DGKG: variants seen among roughly 807,000 people sequenced by gnomAD.
DGKG encodes DAG kinase gamma.
In DGKG, 78 loss-of-function variants were observed where a neutral mutation model predicts 105.3. The observed-to-expected ratio is 0.74, with a 90% CI of 0.62 to 0.89. DGKG has a LOEUF of 0.89. Among genes scored for constraint, DGKG ranks in the 40% least tolerant of loss-of-function variants. The probability of loss-of-function intolerance (pLI) is 0.00; values close to 1 mark genes in which losing one functional copy is unlikely to be tolerated. For synonymous variants in DGKG, 346 were observed against 367.1 expected, an observed-to-expected ratio of 0.94 and a Z score of 0.66; for missense variants, 958 against 1,020.1, an observed-to-expected ratio of 0.94 and a Z score of 0.83.
rs1715581935 is a variant in DGKG, at chr3:186,148,036, T to C, written c.*2054A>G. ...CCATTTGTACACACAATCTTAATAT[T>C]CCCTTCTTTGTCCAAAGCTCCTGTC... On this transcript the variant is annotated 3_prime_UTR_variant, in exon 25 of 25. Transcript: ENST00000265022. The C allele has an allele frequency of 2.0e-6, 2 of 985,316 alleles. No individual in the cohort carries two copies. The highest frequency in any genetic ancestry group is 2.4e-6 in the Non-Finnish European group (2 of 829,956). The allele number at this position is 985,316 out of a possible 1,614,324, so 61.0% of individuals were successfully genotyped here. A position where few individuals can be genotyped will look rare whatever the true frequency, so the allele number is the denominator to read the frequency against.
At chr3:186,193,723 C>G (rs941138242) in intron 21 of DGKG, among the ~76,000 whole-genome samples, 7 of 152,186 alleles carry the variant, frequency 4.6e-5, no homozygotes, top group East Asian at 1.9e-4. Flanking sequence ...CCCCGGGGCC[C>G]GCTCCCCGGC....
intron 22 of DGKG, among the ~76,000 whole-genome samples, chr3:186,166,632 T>C (rs1394717794): frequency 6.8e-6 from 1 of 146,432 alleles, no homozygotes; most frequent in East Asian, 1.9e-4. Context: ...TATAAATGTG[T>C]GTGTGTGTGT....
intron 1 of DGKG, among the ~76,000 whole-genome samples, chr3:186,337,108 T>C (rs1725866271): frequency 6.6e-6 from 1 of 152,036 alleles, no homozygotes; most frequent in Non-Finnish European, 1.5e-5. Flanking sequence ...CATAGAAAAA[T>C]ATGTTAAGTT....
intron 5 of DGKG, among the ~76,000 whole-genome samples, chr3:186,289,578 C>A (rs1298442753): frequency 6.6e-6 from 1 of 152,140 alleles, no homozygotes; most frequent in Admixed American, 6.5e-5. Flanking sequence ...AAACTGGGCA[C>A]CCCTGTTTTC....
intron 21 of DGKG, among the ~76,000 whole-genome samples, chr3:186,193,696 C>T (rs1718023512): frequency 6.6e-6 from 1 of 152,224 alleles, no homozygotes; most frequent in African/African-American, 2.4e-5. Context: ...ACGCTGTCGG[C>T]CTAAATGGAA....
At chr3:186,272,928 C>T (rs1722388042) in intron 10 of DGKG, among the ~76,000 whole-genome samples, 1 of 152,086 alleles carries the variant, frequency 6.6e-6, no homozygotes, top group African/African-American at 2.4e-5. Flanking sequence ...GGGGTTTCAC[C>T]ATGTTAGCCA....
chr3:186,216,303 C>G (rs964174594), intron 20 of DGKG, among the ~76,000 whole-genome samples: 1 of 152,060 alleles, frequency 6.6e-6, no homozygotes, highest in East Asian at 1.9e-4. Context: ...CGAGCTTATA[C>G]ACTTTTAATA....
At chr3:186,268,991 G>A in intron 11 of DGKG, 74 bp from the exon 12 acceptor site, 2 of 1,040,898 alleles carry the variant, frequency 1.9e-6, no homozygotes, top group South Asian at 1.3e-5. Context: ...TGGAGGAGAA[G>A]GATCTGGGAG....
chr3:186,148,050 A>C lies in DGKG; in HGVS notation c.*2040T>G, dbSNP rs1423254676. On this transcript the variant is annotated 3_prime_UTR_variant, in exon 25 of 25. Transcript: ENST00000265022. ...AATCTTAATATTCCCTTCTTTGTCCAAAGCTCCTGTCCAATGCAAGATTAG... is the reference window on the plus strand; with the variant it reads ...AATCTTAATATTCCCTTCTTTGTCCCAAGCTCCTGTCCAATGCAAGATTAG... 1.0e-6 allele frequency: 1 copy of C among 985,308 alleles called. No homozygotes were observed. The highest frequency in any genetic ancestry group is 1.7e-5 in the African/African-American group (1 of 57,212). The allele number at this position is 985,308 out of a possible 1,614,324, so 61.0% of individuals were successfully genotyped here.
At chr3:186,187,830 G>A (rs988259800) in intron 22 of DGKG, among the ~76,000 whole-genome samples, 1 of 152,186 alleles carries the variant, frequency 6.6e-6, no homozygotes, top group African/African-American at 2.4e-5. Context: ...AGTGGACCAA[G>A]CGTTTCCAGG....
chr3:186,265,262 G>T lies in DGKG; in HGVS notation c.1254C>A (p.Gly418=), dbSNP rs200147504. 2.4e-5 allele frequency: 39 copies of T among 1,614,096 alleles called. No homozygotes were observed. ...CATGAGGTACCTGCATGACAAGTTCGCCCTTGGCGGACACGCAGCCATCAG... is the reference window on the plus strand; with the variant it reads ...CATGAGGTACCTGCATGACAAGTTCTCCCTTGGCGGACACGCAGCCATCAG... ...EKSDGCVSAK[G]ELVMQYKIIP... The change falls in exon 14 of 25, where the codon GGC becomes GGA. Residue 418 remains glycine, a synonymous_variant. Coordinates refer to ENST00000265022, the MANE Select transcript of DGKG (RefSeq NM_001346.3).
intron 14 of DGKG, among the ~76,000 whole-genome samples, chr3:186,262,924 C>T (rs988154588): frequency 6.6e-6 from 1 of 152,080 alleles, no homozygotes; most frequent in Non-Finnish European, 1.5e-5. Flanking sequence ...GTCAGAAGTT[C>T]GAGACCAGCC....
intron 22 of DGKG, among the ~76,000 whole-genome samples, chr3:186,179,089 G>A (rs1717234404): frequency 1.3e-5 from 2 of 152,206 alleles, no homozygotes; most frequent in Admixed American, 1.3e-4. Context: ...GGACTTGAGA[G>A]TCTGCACTTC....
intron 22 of DGKG, among the ~76,000 whole-genome samples, chr3:186,177,246 G>T (rs1717126973): frequency 1.3e-5 from 2 of 152,128 alleles, no homozygotes; most frequent in Non-Finnish European, 1.5e-5. Context: ...TTATTCAAAG[G>T]ATCATGTTCA....
At chr3:186,175,456 G>A (rs1471145391) in intron 22 of DGKG, among the ~76,000 whole-genome samples, 1 of 152,204 alleles carries the variant, frequency 6.6e-6, no homozygotes. Flanking sequence ...GGCGCTGTAT[G>A]TTGTGGGAGG....
At chr3:186,265,779 C>T (rs191164087) in intron 13 of DGKG, among the ~76,000 whole-genome samples, 10 of 147,752 alleles carry the variant, frequency 6.8e-5, no homozygotes, top group Admixed American at 3.5e-4. Context: ...TCTCCTGTCT[C>T]GGCCTCCTTA....
At chr3:186,242,139 T>C (rs530390056) in intron 20 of DGKG, among the ~76,000 whole-genome samples, 71 of 152,114 alleles carry the variant, frequency 4.7e-4, no homozygotes, top group Non-Finnish European at 8.5e-4. Context: ...AAAAGAATCA[T>C]GAGGGGCTGG....
chr3:186,149,179 G>A lies in DGKG; in HGVS notation c.*911C>T. The A allele has an allele frequency of 1.0e-6, 1 of 984,410 alleles. No homozygotes were observed. Among genetic ancestry groups the A allele is most frequent in the South Asian group, 4.7e-5 (1 of 21,260 alleles). 61.0% of individuals were successfully genotyped at this position (984,410 alleles called of 1,614,324 possible). A position where few individuals can be genotyped will look rare whatever the true frequency, so the allele number is the denominator to read the frequency against. ...CCTTCAGGAATAGTCTGCCACCAGG[G>A]CTTGGAACTCAAACAGGAAACACGC... is the stretch of plus-strand genomic sequence containing the variant. On this transcript the variant is annotated 3_prime_UTR_variant, in exon 25 of 25. Coordinates refer to ENST00000265022, the MANE Select transcript of DGKG (RefSeq NM_001346.3).
chr3:186,174,834 C>T lies in DGKG; in HGVS notation c.2096-9816G>A, dbSNP rs542574201. Reference sequence around the variant, plus strand: ...AGTTGGGTACCCCGCTCCTTTGTGCCATGCCCTTGCCACACTGGCTTGTGG... The same window carrying T: ...AGTTGGGTACCCCGCTCCTTTGTGCTATGCCCTTGCCACACTGGCTTGTGG... On this transcript the variant is annotated intron_variant, in intron 22 of 24. Coordinates refer to ENST00000265022, the MANE Select transcript of DGKG (RefSeq NM_001346.3). 3.3e-5 allele frequency among the ~76,000 whole-genome samples: 5 copies of T among 152,170 alleles called. No individual in the cohort carries two copies. The South Asian group carries it at 8.3e-4, about 25-fold the overall frequency.
Sources: allele counts gnomAD v4.1 joint callset (sites outside exome capture counted in the v4.1 genomes callset), GRCh38; gene constraint gnomAD v4.1.1; transcripts MANE v1.5; gene names NCBI Gene and HGNC (gene_info 2026-07-23, HGNC 2026-07-21).